PRKCB: variants seen among roughly 807,000 people sequenced by gnomAD.
PRKCB encodes protein kinase C beta type.
PRKCB carries 13 observed loss-of-function variants against 81.5 expected under a neutral mutation model. The ratio of observed to expected loss-of-function variants is 0.16; its 90% CI spans 0.10 to 0.25. The LOEUF is 0.25. Among genes scored for constraint, PRKCB ranks in the 10% least tolerant of loss-of-function variants. The pLI is 1.00. For missense variants in PRKCB, 509 were observed against 875.7 expected (o/e 0.58, Z 5.29); for synonymous variants, 335 against 321.4 (o/e 1.04, Z -0.45).
Position 24,066,075 on chromosome 16 carries a change from C to CTGTGTGTGTG in PRKCB, c.530-26688_530-26679dup, listed in dbSNP as rs58216806. Among the ~76,000 whole-genome samples, 427 of 139,668 alleles carry CTGTGTGTGTG rather than the reference C, an allele frequency of 3.1e-3. 1 individual carries two copies. Among genetic ancestry groups the CTGTGTGTGTG allele is most frequent in the African/African-American group, 6.9e-3 (259 of 37,712 alleles). 91.6% of individuals were successfully genotyped at this position (139,668 alleles called of 152,430 possible). A position where few individuals can be genotyped will look rare whatever the true frequency, so the allele number is the denominator to read the frequency against. On this transcript the variant is annotated intron_variant, in intron 5 of 16. Coordinates refer to ENST00000643927, the MANE Select transcript of PRKCB (RefSeq NM_002738.7). ...TTTCAGCAATGTGACTGTGATGTTCCTGTGTGTGTGTGTGTGTGTGTGTGT... is the reference window on the plus strand; with the variant it reads ...TTTCAGCAATGTGACTGTGATGTTCCTGTGTGTGTGTGTGTGTGTGTGTGTGTGTGTGTGT...
chr16:24,129,092 C>G (rs1966849271), intron 9 of PRKCB, among the ~76,000 whole-genome samples: 1 of 152,148 alleles, frequency 6.6e-6, no homozygotes, highest in African/African-American at 2.4e-5. Context: ...TAATGTGCTG[C>G]CATAATAAAC....
intron 15 of PRKCB, among the ~76,000 whole-genome samples, chr16:24,185,806 G>A (rs773218817): frequency 3.9e-5 from 6 of 152,210 alleles, no homozygotes; most frequent in Admixed American, 6.5e-5. Context: ...TGCTGGCTGG[G>A]CTGCAGTCTC....
At chr16:24,179,976 G>A (rs989600998) in intron 12 of PRKCB, among the ~76,000 whole-genome samples, 12 of 150,966 alleles carry the variant, frequency 7.9e-5, no homozygotes, top group Middle Eastern at 3.2e-3. Flanking sequence ...ACGGAGTCTC[G>A]CTCTGTCACC....
chr16:24,023,473 A>G (rs1965435031), intron 3 of PRKCB, among the ~76,000 whole-genome samples: 2 of 152,128 alleles, frequency 1.3e-5, no homozygotes, highest in South Asian at 2.1e-4. Flanking sequence ...GGTTCACACC[A>G]TTCTCCTGCC....
At chr16:23,877,992 C>T (rs1963044599) in intron 2 of PRKCB, among the ~76,000 whole-genome samples, 1 of 152,104 alleles carries the variant, frequency 6.6e-6, no homozygotes, top group African/African-American at 2.4e-5. Flanking sequence ...CACCACCACT[C>T]CTGGCTAATT....
intron 16 of PRKCB, among the ~76,000 whole-genome samples, chr16:24,210,748 C>T (rs1968126973): frequency 6.6e-6 from 1 of 152,168 alleles, no homozygotes; most frequent in Non-Finnish European, 1.5e-5. Context: ...GATCCACCAT[C>T]CTCGGCCTCT....
At chr16:24,062,733 G>A (rs1965988613) in intron 5 of PRKCB, among the ~76,000 whole-genome samples, 1 of 152,108 alleles carries the variant, frequency 6.6e-6, no homozygotes, top group Admixed American at 6.5e-5. Context: ...TGGCAGCCAG[G>A]AGGACAGCTC....
At chr16:23,887,184 C>G (rs1477123471) in intron 2 of PRKCB, among the ~76,000 whole-genome samples, 1 of 152,086 alleles carries the variant, frequency 6.6e-6, no homozygotes, top group East Asian at 1.9e-4. Flanking sequence ...AAATAAAATG[C>G]CCCATTCTTT....
chr16:24,071,223 G>T (rs539472285), intron 5 of PRKCB, among the ~76,000 whole-genome samples: 2 of 151,998 alleles, frequency 1.3e-5, no homozygotes, highest in African/African-American at 4.8e-5. Flanking sequence ...TTCCATTTGA[G>T]ACTTACTCTG....
intron 9 of PRKCB, among the ~76,000 whole-genome samples, chr16:24,143,287 C>T (rs1386844769): frequency 6.6e-6 from 1 of 152,078 alleles, no homozygotes; most frequent in Admixed American, 6.6e-5. Flanking sequence ...TGTGCACCAC[C>T]ACACCTGGCT....
At chr16:23,847,471 T>TCCACCCAC (rs368044943) in intron 2 of PRKCB, among the ~76,000 whole-genome samples, 7 of 141,812 alleles carry the variant, frequency 4.9e-5, no homozygotes, top group East Asian at 2.2e-4. Context: ...CATCCATCCA[T>TCCACCCAC]CCATCCACCC....
intron 2 of PRKCB, among the ~76,000 whole-genome samples, chr16:23,852,497 T>C (rs936492349): frequency 1.3e-5 from 2 of 152,242 alleles, no homozygotes; most frequent in African/African-American, 4.8e-5. Flanking sequence ...ATTCTTTTAA[T>C]GTGTTCTTCA....
intron 2 of PRKCB, among the ~76,000 whole-genome samples, chr16:23,968,967 C>G (rs144767775): frequency 6.6e-6 from 1 of 152,048 alleles, no homozygotes; most frequent in Non-Finnish European, 1.5e-5. Flanking sequence ...GCCAGGAGTT[C>G]GAGACCAGCC....
chr16:24,014,773 A>G (rs1965254423), intron 3 of PRKCB, among the ~76,000 whole-genome samples: 1 of 152,058 alleles, frequency 6.6e-6, no homozygotes, highest in African/African-American at 2.4e-5. Flanking sequence ...TCCTATGAGG[A>G]TTTAGTGTGA....
chr16:24,061,508 A>G (rs1207872983), intron 5 of PRKCB, among the ~76,000 whole-genome samples: 1 of 152,208 alleles, frequency 6.6e-6, no homozygotes, highest in East Asian at 1.9e-4. Context: ...CTCCCCCAGC[A>G]TGGAGCCATC....
chr16:24,012,510 T>C (rs1445612060), intron 3 of PRKCB, among the ~76,000 whole-genome samples: 1 of 152,248 alleles, frequency 6.6e-6, no homozygotes, highest in Non-Finnish European at 1.5e-5. Flanking sequence ...GCTTCCTCTC[T>C]GTCTCACTGG....
chr16:23,871,703 G>A (rs185052018), intron 2 of PRKCB, among the ~76,000 whole-genome samples: 2 of 151,982 alleles, frequency 1.3e-5, no homozygotes, highest in African/African-American at 4.8e-5. Context: ...TCAGCCACCC[G>A]AGTAGTTGTG....
Position 24,215,850 on chromosome 16 carries a change from GA to G in PRKCB, c.*1039del. The G allele has an allele frequency of 1.0e-6, 1 of 985,482 alleles. No individual in the cohort carries two copies. The highest frequency in any genetic ancestry group is 1.2e-6 in the Non-Finnish European group (1 of 829,880). 61.0% of individuals were successfully genotyped at this position (985,482 alleles called of 1,614,324 possible). A position where few individuals can be genotyped will look rare whatever the true frequency, so the allele number is the denominator to read the frequency against. ...CTTCAGAAAGCTAATTAAGTGCTCTGAAAAAGACACCGTTTCTTGAAACAAA... is the reference window on the plus strand; with the variant it reads ...CTTCAGAAAGCTAATTAAGTGCTCTGAAAAGACACCGTTTCTTGAAACAAA... On this transcript the variant is annotated 3_prime_UTR_variant, in exon 17 of 17. Coordinates refer to ENST00000643927, the MANE Select transcript of PRKCB (RefSeq NM_002738.7).
chr16:24,112,564 A>G (rs1966688432), intron 7 of PRKCB, among the ~76,000 whole-genome samples: 1 of 152,224 alleles, frequency 6.6e-6, no homozygotes, highest in South Asian at 2.1e-4. Context: ...AATAACAACA[A>G]CAACAAGAAA....
Sources: allele counts gnomAD v4.1 joint callset (sites outside exome capture counted in the v4.1 genomes callset), GRCh38; gene constraint gnomAD v4.1.1; transcripts MANE v1.5; gene names NCBI Gene and HGNC (gene_info 2026-07-23, HGNC 2026-07-21).